ASB7: variants seen among roughly 807,000 people sequenced by gnomAD.
ASB7 encodes ankyrin repeat and SOCS box containing 7.
ASB7 carries 4 observed loss-of-function variants against 32.5 expected under a neutral mutation model. The ratio of observed to expected loss-of-function variants is 0.12; its 90% confidence interval spans 0.06 to 0.28. The LOEUF (loss-of-function observed/expected upper bound fraction) is 0.28, where lower values mean the gene tolerates loss of function less well. Ranked by LOEUF, ASB7 falls within the 10% of genes least tolerant of loss-of-function variation. The pLI is 1.00. For missense variants in ASB7, 181 were observed against 407.1 expected (o/e 0.44, Z 4.78); for synonymous variants, 172 against 155.6 (o/e 1.11, Z -0.78).
intron 4 of ASB7, among the ~76,000 whole-genome samples, chr15:100,626,014 G>T (rs925991401): frequency 6.6e-6 from 1 of 152,030 alleles, no homozygotes; most frequent in African/African-American, 2.4e-5. Flanking sequence ...TTAATTATGG[G>T]CTATTGATCT....
chr15:100,647,070 T>C (rs1009561505), intron 5 of ASB7, among the ~76,000 whole-genome samples: 2 of 152,224 alleles, frequency 1.3e-5, no homozygotes, highest in African/African-American at 2.4e-5. Context: ...CTTTTCATAA[T>C]GATGTGTTAT....
intron 2 of ASB7, among the ~76,000 whole-genome samples, chr15:100,606,511 T>C (rs2039646278): frequency 6.6e-6 from 1 of 152,224 alleles, no homozygotes; most frequent in Admixed American, 6.5e-5. Context: ...GCATATTTTG[T>C]TTTATGTTTA....
intron 4 of ASB7, among the ~76,000 whole-genome samples, chr15:100,616,008 C>T (rs964558776): frequency 3.3e-5 from 5 of 152,174 alleles, no homozygotes; most frequent in African/African-American, 1.2e-4. Context: ...TTTGCCAAGT[C>T]AAAACATTTT....
chr15:100,635,685 G>C (rs1392329505), intron 5 of ASB7, among the ~76,000 whole-genome samples: 1 of 152,194 alleles, frequency 6.6e-6, no homozygotes, highest in Non-Finnish European at 1.5e-5. Context: ...TGTAAGGTGT[G>C]GGGAGGGCCA....
Position 100,629,924 on chromosome 15 carries a change from A to G in ASB7, c.699A>G (p.Leu233=), listed in dbSNP as rs73483052. The G allele has an allele frequency of 2.9e-3, 4,634 of 1,614,190 alleles. 128 individuals carry two copies. In the African/African-American group the frequency reaches 0.055, roughly 19 times the overall value. The part of the protein sequence containing the change: ...LRDDVLCARM[L]YNYGADTNTR... Reference sequence around the variant, plus strand: ...ATGATGTGCTGTGTGCACGGATGTTATATAATTACGGAGCAGACACGAACA... The same window carrying G: ...ATGATGTGCTGTGTGCACGGATGTTGTATAATTACGGAGCAGACACGAACA... The change falls in exon 5 of 6, where the codon TTA becomes TTG. Residue 233 remains leucine (L), a synonymous_variant. Transcript: ENST00000332783. This position sits in a 1 kb window ranked among gnomAD's most constrained non-coding sequence, Gnocchi z 6.8.
chr15:100,648,389 T>A lies in ASB7; in HGVS notation c.884T>A (p.Leu295Gln), dbSNP rs1238104708. 1 of 1,610,738 alleles carries A rather than the reference T, an allele frequency of 6.2e-7. No individual in the cohort carries two copies. Among genetic ancestry groups the A allele is most frequent in the South Asian group, 1.1e-5 (1 of 90,938 alleles). Residue 295 changes from leucine (L) to glutamine (Q), a missense_variant, in exon 6 of 6, where the codon CTA (leucine) becomes CAA (glutamine). Transcript: ENST00000332783. ...KIRQCIGLQN[L>Q]KLLDELPIAK... ...CGACAATGTATAGGCCTTCAAAACC[T>A]AAAGCTACTTGATGAACTACCAATT...
rs1034349813 is a variant in ASB7, at chr15:100,647,849, C to A, written c.818-474C>A. On this transcript the variant is annotated intron_variant, in intron 5 of 5. Coordinates refer to ENST00000332783, the MANE Select transcript of ASB7 (RefSeq NM_198243.3). Reference sequence around the variant, plus strand: ...TAGACCCAGAGCTGAAAGGGAGGCTCACAATAGGGGACATCTCTTTCAGTC... The same window carrying A: ...TAGACCCAGAGCTGAAAGGGAGGCTAACAATAGGGGACATCTCTTTCAGTC... Among the ~76,000 whole-genome samples, 3 of 152,210 alleles carry A rather than the reference C, an allele frequency of 2.0e-5. No homozygotes were observed. In the East Asian group the frequency reaches 5.8e-4, roughly 29 times the overall value.
chr15:100,641,072 A>G (rs1034037099), intron 5 of ASB7, among the ~76,000 whole-genome samples: 2 of 126,336 alleles, frequency 1.6e-5, no homozygotes, highest in African/African-American at 6.0e-5. Context: ...TCCCGTGCAC[A>G]GGGAAGTAGT....
intron 5 of ASB7, among the ~76,000 whole-genome samples, chr15:100,641,585 G>T (rs192885359): frequency 6.6e-6 from 1 of 152,306 alleles, no homozygotes; most frequent in East Asian, 1.9e-4. Flanking sequence ...CCTGATTCAA[G>T]TCAGGCAGGG....
rs777490453 is a variant in ASB7, at chr15:100,629,739, C to G, written c.514C>G (p.His172Asp). 2 of 1,614,222 alleles carry G rather than the reference C, an allele frequency of 1.2e-6. No individual in the cohort carries two copies. Among genetic ancestry groups the G allele is most frequent in the African/African-American group, 1.3e-5 (1 of 75,056 alleles). Reference sequence around the variant, plus strand: ...AAGCTGTGTGAAAATCCTCCTGGACCACAATGCCAACATCGACATTCAGAA... The same window carrying G: ...AAGCTGTGTGAAAATCCTCCTGGACGACAATGCCAACATCGACATTCAGAA... Reference protein sequence around the residue: ...RSSCVKILLDHNANIDIQNGF... With the variant: ...RSSCVKILLDDNANIDIQNGF... The change falls in exon 5 of 6, where the codon CAC (histidine) becomes GAC (aspartate). Residue 172 changes from histidine to aspartate, a missense_variant. Physicochemically the swap from His to Asp is moderately conservative, Grantham distance 81. Transcript: ENST00000332783. This position sits in a 1 kb window ranked among gnomAD's most constrained non-coding sequence, Gnocchi z 6.8.
intron 1 of ASB7, 23 bp downstream of exon 1, chr15:100,603,069 A>T (rs2039573034): frequency 2.5e-6 from 1 of 399,150 alleles, no homozygotes; most frequent in Non-Finnish European, 4.4e-6. Flanking sequence ...ACTTCCCCCG[A>T]GGGGAAGAGT....
intron 2 of ASB7, among the ~76,000 whole-genome samples, chr15:100,607,972 T>C (rs888078057): frequency 1.3e-5 from 2 of 152,192 alleles, no homozygotes; most frequent in South Asian, 2.1e-4. Flanking sequence ...GCTGCCTCCA[T>C]GGAAGTGGCG....
chr15:100,603,211 C>A lies in ASB7; in HGVS notation c.-272-4C>A. 1 of 384,692 alleles carries A rather than the reference C, an allele frequency of 2.6e-6. No individual in the cohort carries two copies. The highest frequency in any genetic ancestry group is 1.5e-4 in the South Asian group (1 of 6,832). 23.8% of individuals were successfully genotyped at this position (384,692 alleles called of 1,614,324 possible). On this transcript the variant is annotated splice_polypyrimidine_tract_variant and splice_region_variant and intron_variant, in intron 1 of 5. Coordinates refer to ENST00000332783, the MANE Select transcript of ASB7 (RefSeq NM_198243.3). ...ACACCACTCACTGGTTTCTGTTTTTCTAGGTTTGAGCTGGCTGAAGAAGAC... is the reference window on the plus strand; with the variant it reads ...ACACCACTCACTGGTTTCTGTTTTTATAGGTTTGAGCTGGCTGAAGAAGAC...
At chr15:100,637,384 G>C (rs1250164053) in intron 5 of ASB7, among the ~76,000 whole-genome samples, 1 of 152,220 alleles carries the variant, frequency 6.6e-6, no homozygotes, top group African/African-American at 2.4e-5. Flanking sequence ...GAGGATTTTA[G>C]AAAACTTGTA....
intron 4 of ASB7, among the ~76,000 whole-genome samples, chr15:100,620,158 A>C (rs996766852): frequency 6.6e-6 from 1 of 152,226 alleles, no homozygotes; most frequent in Admixed American, 6.5e-5. Flanking sequence ...CCGTGGTAGA[A>C]AATGGCATAG....
In ASB7 at chr15:100,603,290, C is replaced by T. The variant is rs1412815801; in HGVS notation, c.-197C>T. On this transcript the variant is annotated 5_prime_UTR_variant, in exon 2 of 6. Coordinates refer to ENST00000332783, the MANE Select transcript of ASB7 (RefSeq NM_198243.3). The stretch of plus-strand genomic sequence containing the variant: ...ATCAGAGAAGCAGAAGGCACAGTGC[C>T]TCTGACCAGCATCGTCTGTAAAGGT... 3.2e-6 allele frequency: 1 copy of T among 311,542 alleles called. No homozygotes were observed. Among genetic ancestry groups the T allele is most frequent in the Non-Finnish European group, 5.8e-6 (1 of 171,536 alleles). The allele number at this position is 311,542 out of a possible 1,614,324, so 19.3% of individuals were successfully genotyped here. A position where few individuals can be genotyped will look rare whatever the true frequency, so the allele number is the denominator to read the frequency against.
intron 4 of ASB7, among the ~76,000 whole-genome samples, chr15:100,620,046 T>G (rs4965687): frequency 1.3e-5 from 2 of 151,974 alleles, no homozygotes; most frequent in Non-Finnish European, 1.5e-5. Flanking sequence ...TTGCATGTGA[T>G]GAGTGGCTGC....
intron 5 of ASB7, among the ~76,000 whole-genome samples, chr15:100,643,814 TAGCTA>T (rs2039979437): frequency 6.6e-6 from 1 of 151,986 alleles, no homozygotes; most frequent in South Asian, 2.1e-4. Context: ...TTTTTTACCT[TAGCTA>T]AGCAAATTCT....
intron 5 of ASB7, among the ~76,000 whole-genome samples, chr15:100,636,358 G>A (rs1250755504): frequency 6.6e-6 from 1 of 152,172 alleles, no homozygotes; most frequent in Non-Finnish European, 1.5e-5. Flanking sequence ...AAAACTGGAA[G>A]TCTATTTAGT....
Sources: allele counts gnomAD v4.1 joint callset (sites outside exome capture counted in the v4.1 genomes callset), GRCh38; gene constraint gnomAD v4.1.1; non-coding constraint Gnocchi (gnomAD v3.1); transcripts MANE v1.5; gene names NCBI Gene and HGNC (gene_info 2026-07-23, HGNC 2026-07-21).